ENTR1: variants seen among roughly 807,000 people sequenced by gnomAD.
The protein encoded by ENTR1 is endosome-associated-trafficking regulator 1.
A neutral mutation model predicts 47.9 loss-of-function variants in ENTR1; 47 were observed. The observed-to-expected ratio is 0.98, with a 90% CI of 0.78 to 1.25. The LOEUF (loss-of-function observed/expected upper bound fraction) is 1.25, where lower values mean the gene tolerates loss of function less well. Among genes scored for constraint, ENTR1 ranks in the 50% most tolerant of loss-of-function variants. The pLI is 0.00. For synonymous variants in ENTR1, 290 were observed against 245.8 expected (o/e 1.18, Z -1.68); for missense variants, 668 against 570.5 (o/e 1.17, Z -1.74).
At position 136,410,433 on chromosome 9, in the gene ENTR1, C is replaced by T. The variant is rs1835048601; in HGVS notation, c.-36G>A. 2.5e-6 allele frequency: 3 copies of T among 1,192,176 alleles called. No individual in the cohort carries two copies. The South Asian group carries it at 9.6e-5, about 38-fold the overall frequency. 73.8% of individuals were successfully genotyped at this position (1,192,176 alleles called of 1,614,324 possible). A position where few individuals can be genotyped will look rare whatever the true frequency, so the allele number is the denominator to read the frequency against. On this transcript the variant is annotated 5_prime_UTR_variant, in exon 1 of 10. Coordinates refer to ENST00000357365, the MANE Select transcript of ENTR1 (RefSeq NM_001039707.2). ...CCGGCGGGGCACGACCTGCCTAGCC[C>T]GGCAGCGGCGGCTCCATGGCCCCGG...
At chr9:136,408,068 G>T in intron 3 of ENTR1, 130 bp from the exon 4 acceptor site, 1 of 644,116 alleles carries the variant, frequency 1.6e-6, no homozygotes, top group Non-Finnish European at 2.8e-6. Context: ...ATTCTACCAT[G>T]ACTCAGGCAG....
intron 9 of ENTR1, among the ~76,000 whole-genome samples, chr9:136,403,103 G>A (rs1456768141): frequency 9.1e-6 from 1 of 109,390 alleles, no homozygotes; most frequent in Non-Finnish European, 1.9e-5. Flanking sequence ...AAGGGGAGGG[G>A]TTGGTAGGCA....
intron 4 of ENTR1, 118 bp downstream of exon 4, chr9:136,407,707 TC>T: frequency 1.5e-6 from 2 of 1,355,926 alleles, no homozygotes; most frequent in Non-Finnish European, 2.0e-6. Context: ...CCAGAGCTGC[TC>T]CCCAGCACTG....
intron 4 of ENTR1, 54 bp from the exon 5 acceptor site, chr9:136,407,615 G>C (rs147125900): frequency 1.9e-5 from 28 of 1,494,060 alleles, no homozygotes; most frequent in East Asian, 1.2e-4. Context: ...GACTCGGAGC[G>C]CATCTTCCTT....
chr9:136,408,979 A>G lies in ENTR1; in HGVS notation c.289+20T>C. The G allele has an allele frequency of 6.2e-7, 1 of 1,607,890 alleles. No homozygotes were observed. Among genetic ancestry groups the G allele is most frequent in the Non-Finnish European group, 8.5e-7 (1 of 1,174,520 alleles). On this transcript the variant is annotated intron_variant, in intron 3 of 9. Transcript: ENST00000357365. ...TGTGTTGGATGGAGACAAGAAGAAA[A>G]GGTTGCTGAACTACTCTACCTCCAA...
rs1205618004 is a variant in ENTR1 at position 136,410,216 on chromosome 9, A to G, written c.94T>C (p.Ser32Pro). Residue 32 changes from serine to proline, a missense_variant, in exon 2 of 10, where the codon TCT becomes CCT. Ser to Pro is a moderately conservative substitution (Grantham distance 74, BLOSUM62 -1). Transcript: ENST00000357365. ...PDAPAFYERRSCLPQLNCERP... is the reference protein window; with the variant it reads ...PDAPAFYERRPCLPQLNCERP... ...TCACAATTTAGCTGGGGGAGACAAG[A>G]CCGGCGCTCATAGAACGCTGGAGCT... The G allele has an allele frequency of 3.8e-6, 6 of 1,590,246 alleles. No individual in the cohort carries two copies. The highest frequency in any genetic ancestry group is 4.3e-6 in the Non-Finnish European group (5 of 1,169,754).
At chr9:136,406,490 T>C (rs187225352) in intron 5 of ENTR1, among the ~76,000 whole-genome samples, 2 of 152,148 alleles carry the variant, frequency 1.3e-5, no homozygotes, top group East Asian at 3.9e-4. Flanking sequence ...AATTTTTCTT[T>C]TTTTTGAAAC....
chr9:136,404,952 C>G, intron 7 of ENTR1, 139 bp downstream of exon 7: 2 of 728,654 alleles, frequency 2.7e-6, no homozygotes, highest in South Asian at 3.3e-5. Flanking sequence ...GAGACAGCGA[C>G]GTCAAAGAAC....
chr9:136,407,803 C>T (rs764780902), intron 4 of ENTR1, 23 bp downstream of exon 4: 76 of 1,537,232 alleles, frequency 4.9e-5, no homozygotes, highest in Non-Finnish European at 6.1e-5. Context: ...ACAGAGCCAT[C>T]GCCCACAGTG....
intron 2 of ENTR1, among the ~76,000 whole-genome samples, 200 bp from the exon 3 acceptor site, chr9:136,409,267 G>A (rs1217844361): frequency 6.6e-6 from 1 of 150,696 alleles, no homozygotes; most frequent in Middle Eastern, 3.2e-3. Context: ...TGCAAGCTCC[G>A]CCTCCTGGGT....
chr9:136,403,938 C>T, intron 9 of ENTR1, 117 bp downstream of exon 9: 1 of 1,260,972 alleles, frequency 7.9e-7, no homozygotes, highest in South Asian at 1.5e-5. Flanking sequence ...CTCCCTGCAG[C>T]TCCCTGGTCC....
chr9:136,409,178 G>T, intron 2 of ENTR1, 111 bp from the exon 3 acceptor site: 2 of 835,836 alleles, frequency 2.4e-6, no homozygotes, highest in Admixed American at 2.4e-5. Flanking sequence ...TCACAGTCTA[G>T]AGAACTTTTT....
Position 136,407,229 on chromosome 9 carries a change from TGCCGGAGAG to T in ENTR1, c.726_734del (p.Ser243_Ala245del). The T allele has an allele frequency of 1.9e-6, 3 of 1,613,184 alleles. No individual in the cohort carries two copies. Among genetic ancestry groups the T allele is most frequent in the Non-Finnish European group, 2.5e-6 (3 of 1,180,002 alleles). ...CCGCAAAGTCTGCGCTAGGACTCCC[TGCCGGAGAG>T]GCCGGAGACACGCGAGAATCAGTGT... is the stretch of plus-strand genomic sequence containing the variant. On this transcript the variant is annotated inframe_deletion, in exon 5 of 10. Coordinates refer to ENST00000357365, the MANE Select transcript of ENTR1 (RefSeq NM_001039707.2).
Position 136,404,196 on chromosome 9 carries a change from T to TG in ENTR1, c.1069-3dup, listed in dbSNP as rs758458374. The stretch of plus-strand genomic sequence containing the variant: ...TCGCTGGAAGTTGGAGACCTGCGCC[T>TG]GGGGGGACGGTTACGGCTAAGGACA... On this transcript the variant is annotated splice_polypyrimidine_tract_variant and splice_region_variant and intron_variant, in intron 8 of 9. Coordinates refer to ENST00000357365, the MANE Select transcript of ENTR1 (RefSeq NM_001039707.2). 3 of 1,604,836 alleles carry TG rather than the reference T, an allele frequency of 1.9e-6. No individual in the cohort carries two copies. Among genetic ancestry groups the TG allele is most frequent in the African/African-American group, 1.3e-5 (1 of 74,820 alleles).
chr9:136,410,217 C>A lies in ENTR1; in HGVS notation c.93G>T (p.Arg31=). ...CACAATTTAGCTGGGGGAGACAAGA[C>A]CGGCGCTCATAGAACGCTGGAGCTG... The part of the protein sequence containing the change: ...IPDAPAFYER[R]SCLPQLNCER... The change falls in exon 2 of 10, where the codon CGG becomes CGT. Residue 31 remains arginine, a synonymous_variant. Transcript: ENST00000357365. 1.3e-6 allele frequency: 2 copies of A among 1,590,492 alleles called. No homozygotes were observed. The highest frequency in any genetic ancestry group is 1.7e-6 in the Non-Finnish European group (2 of 1,169,766).
rs757959649 is a variant in ENTR1, at chr9:136,404,036, G to A, written c.1208+19C>T. ...ACCCCTTTCCCCGCCAGGCTTCCCG[G>A]TGCCTCCCAGGCACTCACTTGATGG... is the stretch of plus-strand genomic sequence containing the variant. On this transcript the variant is annotated intron_variant, in intron 9 of 9. Coordinates refer to ENST00000357365, the MANE Select transcript of ENTR1 (RefSeq NM_001039707.2). 5.1e-6 allele frequency: 8 copies of A among 1,556,988 alleles called. No homozygotes were observed. In the East Asian group the frequency reaches 1.9e-4, roughly 37 times the overall value.
In ENTR1 at chr9:136,410,602, C is replaced by G. The variant is rs577844497; in HGVS notation, c.-205G>C. On this transcript the variant is annotated 5_prime_UTR_variant, in exon 1 of 10. Coordinates refer to ENST00000357365, the MANE Select transcript of ENTR1 (RefSeq NM_001039707.2). ...CGCGTGCCTGAACGCCTTGGGCCGT[C>G]GGCGAGGGGGAGGGGAAGCCGTGGG... 2 of 1,281,762 alleles carry G rather than the reference C, an allele frequency of 1.6e-6. No homozygotes were observed. The highest frequency in any genetic ancestry group is 5.4e-5 in the South Asian group (2 of 36,854). 79.4% of individuals were successfully genotyped at this position (1,281,762 alleles called of 1,614,324 possible).
intron 5 of ENTR1, among the ~76,000 whole-genome samples, chr9:136,406,583 TCTCCTG>T (rs2131556680): frequency 6.6e-6 from 1 of 152,044 alleles, no homozygotes; most frequent in Non-Finnish European, 1.5e-5. Context: ...TTCAAGCGAT[TCTCCTG>T]CCTCAGCCTC....
intron 9 of ENTR1, among the ~76,000 whole-genome samples, chr9:136,403,354 A>G (rs1588780544): frequency 1.8e-5 from 1 of 56,160 alleles, no homozygotes; most frequent in Non-Finnish European, 3.6e-5. Context: ...CCAGGGAGCA[A>G]GGGGTGGGGT....
Sources: allele counts gnomAD v4.1 joint callset (sites outside exome capture counted in the v4.1 genomes callset), GRCh38; gene constraint gnomAD v4.1.1; transcripts MANE v1.5; gene names NCBI Gene and HGNC (gene_info 2026-07-23, HGNC 2026-07-21).